DISC1: variants seen among roughly 807,000 people sequenced by gnomAD.
DISC1 encodes the protein disrupted in schizophrenia 1 protein.
DISC1 carries 57 observed loss-of-function variants against 84.5 expected under a neutral mutation model. The observed-to-expected ratio is 0.67, with a 90% confidence interval of 0.55 to 0.84. The LOEUF (loss-of-function observed/expected upper bound fraction) is 0.84, where lower values mean the gene tolerates loss of function less well. DISC1 is among the 40% of genes least tolerant of loss of function. The pLI, the probability that DISC1 is intolerant of heterozygous loss-of-function variation, is 0.00. For missense variants in DISC1, 1,000 were observed against 1,057.8 expected (o/e 0.95, Z 0.76); for synonymous variants, 411 against 415.2 (o/e 0.99, Z 0.12).
intron 2 of DISC1, 37 bp downstream of exon 2, chr1:231,694,842 C>G: frequency 6.2e-7 from 1 of 1,606,728 alleles, no homozygotes; most frequent in Non-Finnish European, 8.5e-7. Flanking sequence ...CCGAGATTGT[C>G]GTGAGCTCAG....
At chr1:231,923,552 T>C (rs1010361488) in intron 9 of DISC1, among the ~76,000 whole-genome samples, 5 of 152,210 alleles carry the variant, frequency 3.3e-5, no homozygotes, top group Admixed American at 3.3e-4. Context: ...CCTTAGTCAC[T>C]GATTGCCGTA....
chr1:231,978,139 C>T lies in DISC1; in HGVS notation c.2042+19251C>T, dbSNP rs925372527. Among the ~76,000 whole-genome samples the T allele has an allele frequency of 5.3e-5, 8 of 152,006 alleles. No individual in the cohort carries two copies. In the South Asian group the frequency reaches 8.3e-4, roughly 16 times the overall value. ...CTTGAGACTTGGTCATATTTATGGC[C>T]GAGAATTTGATTTTATGGCCAAGAA... On this transcript the variant is annotated intron_variant, in intron 10 of 12. Transcript: ENST00000439617.
chr1:231,856,644 C>A (rs539602150), intron 9 of DISC1, among the ~76,000 whole-genome samples: 17 of 152,266 alleles, frequency 1.1e-4, no homozygotes, highest in African/African-American at 3.8e-4. Flanking sequence ...GCCTGCCCTG[C>A]GTGAGCAGGT....
chr1:231,876,125 T>G (rs1314036818), intron 9 of DISC1, among the ~76,000 whole-genome samples: 1 of 152,150 alleles, frequency 6.6e-6, no homozygotes, highest in Non-Finnish European at 1.5e-5. Context: ...TAATCTTCAG[T>G]GTTGGAGGTA....
intron 1 of DISC1, among the ~76,000 whole-genome samples, chr1:231,677,258 C>T (rs1236435258): frequency 6.6e-6 from 1 of 152,100 alleles, no homozygotes; most frequent in Non-Finnish European, 1.5e-5. Context: ...GAAGATAAAA[C>T]AGAAAAGCAA....
chr1:232,026,048 C>T (rs1474424012), intron 11 of DISC1, among the ~76,000 whole-genome samples: 1 of 152,156 alleles, frequency 6.6e-6, no homozygotes, highest in Admixed American at 6.5e-5. Flanking sequence ...TTTGTCCTTA[C>T]AGGTTAGCCC....
At chr1:232,033,743 C>A (rs1670265963) in intron 12 of DISC1, among the ~76,000 whole-genome samples, 2 of 152,206 alleles carry the variant, frequency 1.3e-5, no homozygotes, top group Non-Finnish European at 2.9e-5. Flanking sequence ...TTTCTCCCAA[C>A]TGCTTAACAG....
intron 7 of DISC1, among the ~76,000 whole-genome samples, chr1:231,797,843 T>C (rs1041621983): frequency 6.6e-6 from 1 of 152,126 alleles, no homozygotes; most frequent in African/African-American, 2.4e-5. Flanking sequence ...TTCCTTGGTG[T>C]CCAATTTTAT....
rs184126712 is a variant in DISC1, at chr1:231,747,645, T to C, written c.1118-2281T>C. ...TGTATCTAATTTTATGCCAGTACCA[T>C]GTTGTTTTGGTTACTACAGCTTTGT... On this transcript the variant is annotated intron_variant, in intron 3 of 12. Coordinates refer to ENST00000439617, the MANE Select transcript of DISC1 (RefSeq NM_018662.3). Among the ~76,000 whole-genome samples, 7 of 152,296 alleles carry C rather than the reference T, an allele frequency of 4.6e-5. No homozygotes were observed. The East Asian group carries it at 9.7e-4, about 21-fold the overall frequency.
intron 4 of DISC1, among the ~76,000 whole-genome samples, chr1:231,764,752 G>C (rs1043736544): frequency 6.6e-6 from 1 of 152,120 alleles, no homozygotes; most frequent in Non-Finnish European, 1.5e-5. Context: ...TTGGATGTGG[G>C]AATGTAGAAT....
intron 6 of DISC1, among the ~76,000 whole-genome samples, chr1:231,779,497 C>T (rs2077211103): frequency 6.8e-6 from 1 of 147,814 alleles, no homozygotes; most frequent in Non-Finnish European, 1.5e-5. Context: ...CATGAATATT[C>T]ATAGCTCCTG....
At position 231,895,399 on chromosome 1, in the gene DISC1, A is replaced by G. The variant is rs115553727; in HGVS notation, c.1982-63429A>G. ...CTACATATTTGTATATTTCCCCCAT[A>G]TATGTATCTCCCTCATATATATGTG... is the stretch of plus-strand genomic sequence containing the variant. On this transcript the variant is annotated intron_variant, in intron 9 of 12. Coordinates refer to ENST00000439617, the MANE Select transcript of DISC1 (RefSeq NM_018662.3). 9.3e-4 allele frequency among the ~76,000 whole-genome samples: 141 copies of G among 151,382 alleles called. 1 individual carries two copies. Among genetic ancestry groups the G allele is most frequent in the African/African-American group, 3.3e-3 (135 of 41,292 alleles).
At chr1:231,946,370 A>G (rs142275615) in intron 9 of DISC1, among the ~76,000 whole-genome samples, 1 of 152,220 alleles carries the variant, frequency 6.6e-6, no homozygotes, top group African/African-American at 2.4e-5. Context: ...ACACATTATT[A>G]TCTCAATAGG....
At chr1:231,665,492 C>T (rs1229282935) in intron 1 of DISC1, among the ~76,000 whole-genome samples, 4 of 152,212 alleles carry the variant, frequency 2.6e-5, no homozygotes, top group East Asian at 1.9e-4. Context: ...CCCACCATTT[C>T]GGACAGATGA....
At chr1:231,797,772 A>G (rs2078875063) in intron 7 of DISC1, among the ~76,000 whole-genome samples, 1 of 152,192 alleles carries the variant, frequency 6.6e-6, no homozygotes, top group African/African-American at 2.4e-5. Context: ...TTTCCATAAA[A>G]TTAAGGAACT....
intron 9 of DISC1, among the ~76,000 whole-genome samples, chr1:231,879,588 A>G (rs1270361015): frequency 6.6e-6 from 1 of 151,464 alleles, no homozygotes; most frequent in Admixed American, 6.6e-5. Context: ...AGCAGAAGAC[A>G]GGGAAAGGCC....
intron 10 of DISC1, among the ~76,000 whole-genome samples, chr1:231,967,601 C>T (rs821598): frequency 0.33 from 50,585 of 151,966 alleles, 8,977 homozygotes; most frequent in African/African-American, 0.44. Flanking sequence ...AAAATATTCA[C>T]TGTCGGATTT....
intron 3 of DISC1, chr1:231,722,418 A>T (rs1039609887): frequency 1.0e-5 from 15 of 1,489,902 alleles, no homozygotes; most frequent in Admixed American, 7.6e-5. Context: ...CTTTCTACTT[A>T]TCCACACTCG....
rs1269465294 is a variant in DISC1 at position 232,039,271 on chromosome 1, T to C, written c.*2440T>C. 1.3e-5 allele frequency: 2 copies of C among 152,186 alleles called. No individual in the cohort carries two copies. Among genetic ancestry groups the C allele is most frequent in the African/African-American group, 4.8e-5 (2 of 41,454 alleles). 9.4% of individuals were successfully genotyped at this position (152,186 alleles called of 1,614,324 possible). On this transcript the variant is annotated 3_prime_UTR_variant, in exon 13 of 13. Coordinates refer to ENST00000439617, the MANE Select transcript of DISC1 (RefSeq NM_018662.3). ...CAAATTCCTACTTCGACATATGTCT[T>C]TTCAAAAAGCCTCCCAGACACAAGA...
Sources: gnomAD v4.1 joint callset for allele counts (sites outside exome capture counted in the v4.1 genomes callset) on GRCh38, gnomAD v4.1.1 for gene constraint, MANE v1.5 for transcripts, NCBI Gene and HGNC (gene_info 2026-07-23, HGNC 2026-07-21) for gene names.